The following DUSP5 variants were observed in gnomAD, a reference collection of about 807,000 sequenced individuals.
The protein encoded by DUSP5 is dual specificity protein phosphatase 5.
Under a neutral mutation model 33.6 loss-of-function variants are expected in DUSP5, and 22 were observed. The ratio of observed to expected loss-of-function variants is 0.66; its 90% CI spans 0.47 to 0.94. The LOEUF (loss-of-function observed/expected upper bound fraction) is 0.94. Ranked by LOEUF, DUSP5 falls within the 40% of genes least tolerant of loss-of-function variation. The pLI is 0.00. For missense variants in DUSP5, 551 were observed against 522.1 expected (o/e 1.06, Z -0.54); for synonymous variants, 270 against 231.1 (o/e 1.17, Z -1.53).
intron 1 of DUSP5, among the ~76,000 whole-genome samples, chr10:110,502,273 C>T (rs1860061915): frequency 6.6e-6 from 1 of 152,138 alleles, no homozygotes; most frequent in South Asian, 2.1e-4. Flanking sequence ...GGAGGAGGTT[C>T]CAGCTAGAAT....
Position 110,510,153 on chromosome 10 carries a change from G to A in DUSP5, c.882G>A (p.Lys294=), listed in dbSNP as rs1229995575. ...FRLKEAFDYI[K]QRRSMVSPNF... is the part of the protein sequence containing the mutation. ...TGAAGGAGGCCTTCGATTACATCAA[G>A]CAGAGGAGGAGCATGGTCTCGCCCA... The change falls in exon 4 of 4, where the codon AAG becomes AAA. Residue 294 remains lysine (K), a synonymous_variant. Transcript: ENST00000369583. 6.2e-7 allele frequency: 1 copy of A among 1,614,224 alleles called. No individual in the cohort carries two copies. Among genetic ancestry groups the A allele is most frequent in the Non-Finnish European group, 8.5e-7 (1 of 1,180,042 alleles).
chr10:110,506,584 A>T (rs775057948), intron 2 of DUSP5, among the ~76,000 whole-genome samples: 4 of 152,210 alleles, frequency 2.6e-5, no homozygotes, highest in African/African-American at 4.8e-5. Flanking sequence ...GGCAGCTGTA[A>T]CTTCAACACA....
At position 110,501,322 on chromosome 10, in the gene DUSP5, T is replaced by C. The variant is rs938265681; in HGVS notation, c.380-1399T>C. Among the ~76,000 whole-genome samples the C allele has an allele frequency of 1.1e-4, 17 of 152,212 alleles. No homozygotes were observed. The Middle Eastern group carries it at 0.027, about 244-fold the overall frequency. ...CCCGTTGTCGTGGGGAGCATGGTCATTGAGGAGGACCAGGAGCTCATGGGC... is the reference window on the plus strand; with the variant it reads ...CCCGTTGTCGTGGGGAGCATGGTCACTGAGGAGGACCAGGAGCTCATGGGC... On this transcript the variant is annotated intron_variant, in intron 1 of 3. Coordinates refer to ENST00000369583, the MANE Select transcript of DUSP5 (RefSeq NM_004419.4).
In DUSP5 at chr10:110,510,606, C is replaced by T. The variant is rs911161328; in HGVS notation, c.*180C>T. 9 of 883,070 alleles carry T rather than the reference C, an allele frequency of 1.0e-5. No homozygotes were observed. The highest frequency in any genetic ancestry group is 9.3e-5 in the Admixed American group (3 of 32,242). 54.7% of individuals were successfully genotyped at this position (883,070 alleles called of 1,614,324 possible). On this transcript the variant is annotated 3_prime_UTR_variant, in exon 4 of 4. Transcript: ENST00000369583. ...TCAGACGGACCTCAGGGTAGGTTCT[C>T]GGGACTGAAGGAAGGCCAAGCCATT...
intron 1 of DUSP5, among the ~76,000 whole-genome samples, chr10:110,500,462 T>G (rs1016541439): frequency 6.6e-6 from 1 of 152,250 alleles, no homozygotes; most frequent in Admixed American, 6.5e-5. Context: ...TTTAAATTGT[T>G]GCCAGAGAAA....
intron 2 of DUSP5, among the ~76,000 whole-genome samples, chr10:110,505,617 G>A (rs1860108110): frequency 6.6e-6 from 1 of 152,068 alleles, no homozygotes; most frequent in South Asian, 2.1e-4. Flanking sequence ...TTTCCATTCC[G>A]TTCTTATTCC....
chr10:110,501,935 G>A (rs1860054589), intron 1 of DUSP5, among the ~76,000 whole-genome samples: 1 of 146,904 alleles, frequency 6.8e-6, no homozygotes, highest in Non-Finnish European at 1.5e-5. Flanking sequence ...GATTCTGAGA[G>A]TCACACATGC....
intron 2 of DUSP5, among the ~76,000 whole-genome samples, chr10:110,505,333 C>T (rs1454001693): frequency 6.6e-6 from 1 of 152,206 alleles, no homozygotes; most frequent in Non-Finnish European, 1.5e-5. Context: ...ATGTTACCTA[C>T]CTCACAGATT....
intron 2 of DUSP5, 116 bp from the exon 3 acceptor site, chr10:110,506,819 A>G: frequency 1.7e-6 from 2 of 1,163,316 alleles, no homozygotes; most frequent in East Asian, 2.3e-5. Flanking sequence ...CTCCACTTGG[A>G]AACCAGAAAG....
At chr10:110,505,229 G>A (rs1250883420) in intron 2 of DUSP5, among the ~76,000 whole-genome samples, 1 of 152,126 alleles carries the variant, frequency 6.6e-6, no homozygotes, top group Non-Finnish European at 1.5e-5. Context: ...ATCAGTTTTG[G>A]GTTTCAGCCC....
At chr10:110,500,075 A>G (rs1263849456) in intron 1 of DUSP5, among the ~76,000 whole-genome samples, 2 of 152,248 alleles carry the variant, frequency 1.3e-5, no homozygotes, top group African/African-American at 4.8e-5. Flanking sequence ...TCTTCTGCAT[A>G]TCTTAGAACC....
chr10:110,497,915 G>A lies in DUSP5; in HGVS notation c.-207G>A. On this transcript the variant is annotated 5_prime_UTR_variant, in exon 1 of 4. Transcript: ENST00000369583. ...CGGCCGGCGGAATCCCCGGCTTCTA[G>A]GGCGGCGAGCGGCCGGGCTGGCTAT... is the stretch of plus-strand genomic sequence containing the variant. 1 of 218,706 alleles carries A rather than the reference G, an allele frequency of 4.6e-6. No homozygotes were observed. The highest frequency in any genetic ancestry group is 7.7e-6 in the Non-Finnish European group (1 of 129,164). 13.5% of individuals were successfully genotyped at this position (218,706 alleles called of 1,614,324 possible).
At chr10:110,501,586 G>A (rs955057252) in intron 1 of DUSP5, among the ~76,000 whole-genome samples, 4 of 152,184 alleles carry the variant, frequency 2.6e-5, no homozygotes, top group African/African-American at 4.8e-5. Context: ...GAAAAAGGGG[G>A]TTCTTTGGAA....
At position 110,502,725 on chromosome 10, in the gene DUSP5, A is replaced by T; in HGVS notation, c.384A>T (p.Gly128=). Residue 128 remains glycine (G), a synonymous_variant, in exon 2 of 4, where the codon GGA becomes GGT. Coordinates refer to ENST00000369583, the MANE Select transcript of DUSP5 (RefSeq NM_004419.4). ...CCTTTTTGTTTGTTTTTGTAGGGGG[A>T]TATGAGACTTTCTACTCGGAATATC... is the stretch of plus-strand genomic sequence containing the variant. ...AGPRVYFLKG[G]YETFYSEYPE... 6.2e-7 allele frequency: 1 copy of T among 1,612,838 alleles called. No individual in the cohort carries two copies. Among genetic ancestry groups the T allele is most frequent in the Non-Finnish European group, 8.5e-7 (1 of 1,179,384 alleles).
At chr10:110,507,983 T>C (rs1186820131) in intron 3 of DUSP5, among the ~76,000 whole-genome samples, 1 of 152,232 alleles carries the variant, frequency 6.6e-6, no homozygotes, top group Non-Finnish European at 1.5e-5. Context: ...ATCTTCCTCT[T>C]TAACATACGT....
intron 2 of DUSP5, among the ~76,000 whole-genome samples, chr10:110,505,123 A>T (rs1161132014): frequency 6.6e-6 from 1 of 152,174 alleles, no homozygotes; most frequent in African/African-American, 2.4e-5. Context: ...GAAAGAGGGA[A>T]TTTTTTCCTT....
Position 110,510,593 on chromosome 10 carries a change from C to A in DUSP5, c.*167C>A. 2 of 991,344 alleles carry A rather than the reference C, an allele frequency of 2.0e-6. No individual in the cohort carries two copies. The highest frequency in any genetic ancestry group is 2.9e-6 in the Non-Finnish European group (2 of 699,240). 61.4% of individuals were successfully genotyped at this position (991,344 alleles called of 1,614,324 possible). The stretch of plus-strand genomic sequence containing the variant: ...TTGCAAATGAACTTCAGACGGACCT[C>A]AGGGTAGGTTCTCGGGACTGAAGGA... On this transcript the variant is annotated 3_prime_UTR_variant, in exon 4 of 4. Transcript: ENST00000369583.
rs753071501 is a variant in DUSP5, at chr10:110,509,989, A to C, written c.749-31A>C. ...CCATTGCCCTTAGATTCTAATCCCA[A>C]CTCACTCCCACCATCTTTTCTTCCT... On this transcript the variant is annotated intron_variant, in intron 3 of 3. Transcript: ENST00000369583. 7.1e-6 allele frequency: 11 copies of C among 1,550,978 alleles called. No individual in the cohort carries two copies. The Middle Eastern group carries it at 5.2e-4, about 73-fold the overall frequency.
chr10:110,498,510 CG>C lies in DUSP5; in HGVS notation c.379+14del. Reference sequence around the variant, plus strand: ...GTCTACTTCCTCAAAGGTGAGCGCTCGGGGTCCCTGCCACGCTCGCCCCTCC... The same window carrying C: ...GTCTACTTCCTCAAAGGTGAGCGCTCGGGTCCCTGCCACGCTCGCCCCTCC... On this transcript the variant is annotated intron_variant, in intron 1 of 3. Transcript: ENST00000369583. 6.7e-7 allele frequency: 1 copy of C among 1,495,304 alleles called. No homozygotes were observed. Among genetic ancestry groups the C allele is most frequent in the South Asian group, 1.3e-5 (1 of 79,558 alleles). The allele number at this position is 1,495,304 out of a possible 1,614,324, so 92.6% of individuals were successfully genotyped here. A position where few individuals can be genotyped will look rare whatever the true frequency, so the allele number is the denominator to read the frequency against.
Sources: allele counts gnomAD v4.1 joint callset (sites outside exome capture counted in the v4.1 genomes callset), GRCh38; gene constraint gnomAD v4.1.1; transcripts MANE v1.5; gene names NCBI Gene and HGNC (gene_info 2026-07-23, HGNC 2026-07-21).